YLPM1: variants seen among roughly 807,000 people sequenced by gnomAD.
YLPM1 encodes the protein YLP motif containing 1, also known as YLP motif-containing protein 1.
A neutral mutation model predicts 230.0 loss-of-function variants in YLPM1; 99 were observed. That is an observed-to-expected ratio of 0.43 (90% confidence interval 0.37 to 0.51). The LOEUF is 0.51. YLPM1 is among the 20% of genes least tolerant of loss of function. The pLI, the probability that YLPM1 is intolerant of heterozygous loss-of-function variation, is 0.00. For synonymous variants in YLPM1, 984 were observed against 942.5 expected, an observed-to-expected ratio of 1.04 and a Z score of -0.81; for missense variants, 2,592 against 2,707.7, an observed-to-expected ratio of 0.96 and a Z score of 0.95.
chr14:74,814,225 G>A (rs1171914171), intron 11 of YLPM1, among the ~76,000 whole-genome samples: 2 of 152,166 alleles, frequency 1.3e-5, no homozygotes, highest in African/African-American at 4.8e-5. Context: ...GCTGGGCGTG[G>A]TGGCAGGCAC....
At chr14:74,821,441 C>T (rs1033827412) in intron 17 of YLPM1, 23 of 199,516 alleles carry the variant, frequency 1.2e-4, no homozygotes, top group Non-Finnish European at 2.0e-4. Flanking sequence ...TATGAAAGGG[C>T]ATTCTTACAT....
chr14:74,785,892 T>C (rs1228836347), intron 4 of YLPM1, among the ~76,000 whole-genome samples: 3 of 152,194 alleles, frequency 2.0e-5, no homozygotes, highest in African/African-American at 7.2e-5. Context: ...TTTGACACTG[T>C]GTATATCATT....
chr14:74,810,674 T>G (rs1157069489), intron 9 of YLPM1, among the ~76,000 whole-genome samples: 1 of 151,998 alleles, frequency 6.6e-6, no homozygotes, highest in Admixed American at 6.6e-5. Context: ...GGTGCAGTCA[T>G]ACTCAGTAGG....
chr14:74,785,810 TAA>T (rs1436169517), intron 4 of YLPM1, among the ~76,000 whole-genome samples: 1 of 152,300 alleles, frequency 6.6e-6, no homozygotes, highest in Middle Eastern at 3.4e-3. Flanking sequence ...ACGAGATTTC[TAA>T]AAAGTCATGT....
At position 74,797,588 on chromosome 14, in the gene YLPM1, G is replaced by T. The variant is rs1028654728; in HGVS notation, c.2291G>T (p.Gly764Val). The T allele has an allele frequency of 1.4e-6, 2 of 1,473,086 alleles. No individual in the cohort carries two copies. The highest frequency in any genetic ancestry group is 1.4e-5 in the African/African-American group (1 of 70,382). 91.3% of individuals were successfully genotyped at this position (1,473,086 alleles called of 1,614,324 possible). The part of the protein sequence containing the change: ...LESPRGPRFD[G>V]PRRFEDLGSR... ...TTTTGTTTTACTTGTAGATTTGATG[G>T]TCCTCGAAGATTTGAGGATTTAGGG... Residue 764 changes from glycine to valine, a missense_variant, in exon 5 of 21, where the codon GGT (glycine) becomes GTT (valine). Transcript: ENST00000325680.
Position 74,782,298 on chromosome 14 carries a change from G to T in YLPM1, c.2255G>T (p.Ser752Ile). The change falls in exon 4 of 21, where the codon AGT becomes ATT. Residue 752 changes from serine to isoleucine, a missense_variant. By Grantham distance (142) the Ser-to-Ile change is moderately radical. Coordinates refer to ENST00000325680, the MANE Select transcript of YLPM1 (RefSeq NM_019589.3). Reference protein sequence around the residue: ...GGLLPDPPRSSYLESPRGPRF... With the variant: ...GGLLPDPPRSIYLESPRGPRF... ...CTGCTTCCAGATCCTCCTAGAAGTA[G>T]TTACTTGGAAAGTCCAAGAGGCCCA... is the stretch of plus-strand genomic sequence containing the variant. The T allele has an allele frequency of 6.5e-7, 1 of 1,533,574 alleles. No homozygotes were observed. Among genetic ancestry groups the T allele is most frequent in the East Asian group, 2.3e-5 (1 of 44,356 alleles). 95.0% of individuals were successfully genotyped at this position (1,533,574 alleles called of 1,614,324 possible).
At chr14:74,800,198 G>A (rs1259633778) in intron 5 of YLPM1, among the ~76,000 whole-genome samples, 1 of 152,136 alleles carries the variant, frequency 6.6e-6, no homozygotes, top group African/African-American at 2.4e-5. Context: ...CTTTCTTTTG[G>A]GGATGTTTTA....
rs374500503 is a variant in YLPM1, at chr14:74,763,496, C to A, written c.7C>A (p.Pro3Thr). 2.0e-6 allele frequency: 3 copies of A among 1,485,946 alleles called. No homozygotes were observed. Among genetic ancestry groups the A allele is most frequent in the African/African-American group, 2.9e-5 (2 of 68,338 alleles). 92.0% of individuals were successfully genotyped at this position (1,485,946 alleles called of 1,614,324 possible). MY[P>T]NWGRYGGSSH... ...CTGCGCCTTCTTTTTCGATATGTACCCGAATTGGGGCCGGTATGGCGGGAG... is the reference window on the plus strand; with the variant it reads ...CTGCGCCTTCTTTTTCGATATGTACACGAATTGGGGCCGGTATGGCGGGAG... Residue 3 changes from proline (P) to threonine (T), a missense_variant, in exon 1 of 21, where the codon CCG (proline) becomes ACG (threonine). Physicochemically the swap from Pro to Thr is conservative, Grantham distance 38 (BLOSUM62 -1). Transcript: ENST00000325680.
In YLPM1 at chr14:74,798,784, G is replaced by T. The variant is rs1394675995; in HGVS notation, c.3487G>T (p.Gly1163Cys). 4.3e-6 allele frequency: 7 copies of T among 1,613,802 alleles called. No homozygotes were observed. The Middle Eastern group carries it at 6.6e-4, about 152-fold the overall frequency. ...AAGGGGACTGGGAAGATCAGATTTT[G>T]GTCGTGATAGAGGTCCATTCAGACC... The part of the protein sequence containing the change: ...RERGLGRSDF[G>C]RDRGPFRPEP... The change falls in exon 5 of 21, where the codon GGT becomes TGT. Residue 1163 changes from glycine to cysteine, a missense_variant. Physicochemically the swap from Gly to Cys is radical, Grantham distance 159 (BLOSUM62 -3). Transcript: ENST00000325680.
In YLPM1 at chr14:74,781,692, C is replaced by T; in HGVS notation, c.1649C>T (p.Ala550Val). The T allele has an allele frequency of 6.2e-7, 1 of 1,612,978 alleles. No homozygotes were observed. The highest frequency in any genetic ancestry group is 8.5e-7 in the Non-Finnish European group (1 of 1,179,606). The change falls in exon 4 of 21, where the codon GCC becomes GTC. Residue 550 changes from alanine to valine, a missense_variant. By Grantham distance (64) the Ala-to-Val change is moderately conservative. Around this residue, in one of 4 missense-constraint regions of YLPM1, gnomAD observed 1,862 missense variants for 1,819.8 expected, o/e 1.02. Coordinates refer to ENST00000325680, the MANE Select transcript of YLPM1 (RefSeq NM_019589.3). The part of the protein sequence containing the change: ...PSLPPPVMPP[A>V]LPATVPPPGM... ...TTGCCACCACCAGTGATGCCCCCTG[C>T]CCTCCCTGCTACAGTGCCACCACCT...
chr14:74,792,401 C>G (rs961752765), intron 4 of YLPM1, among the ~76,000 whole-genome samples: 1 of 152,226 alleles, frequency 6.6e-6, no homozygotes, highest in African/African-American at 2.4e-5. Context: ...CTTAGCTTTA[C>G]TTAGCATGCT....
rs759920121 is a variant in YLPM1 at position 74,781,820 on chromosome 14, C to A, written c.1777C>A (p.Pro593Thr). The change falls in exon 4 of 21, where the codon CCA (proline) becomes ACA (threonine). Residue 593 changes from proline to threonine, a missense_variant. Physicochemically the swap from Pro to Thr is conservative, Grantham distance 38. Coordinates refer to ENST00000325680, the MANE Select transcript of YLPM1 (RefSeq NM_019589.3). Reference protein sequence around the residue: ...SSAGPPPVLPPPSLSSAGPPP... With the variant: ...SSAGPPPVLPTPSLSSAGPPP... ...TGCAGGGCCACCACCAGTTCTCCCCCCACCTTCCCTGTCTTCTGCAGGGCC... is the reference window on the plus strand; with the variant it reads ...TGCAGGGCCACCACCAGTTCTCCCCACACCTTCCCTGTCTTCTGCAGGGCC... 6.2e-6 allele frequency: 10 copies of A among 1,612,366 alleles called. 1 individual carries two copies. Among genetic ancestry groups the A allele is most frequent in the African/African-American group, 2.7e-5 (2 of 74,732 alleles).
chr14:74,787,008 G>C (rs1237833664), intron 4 of YLPM1, among the ~76,000 whole-genome samples: 1 of 152,164 alleles, frequency 6.6e-6, no homozygotes, highest in African/African-American at 2.4e-5. Flanking sequence ...TGGATGTTTA[G>C]TGGTATCATG....
chr14:74,763,980 A>C lies in YLPM1; in HGVS notation c.491A>C (p.Tyr164Ser). 6.9e-7 allele frequency: 1 copy of C among 1,458,082 alleles called. No individual in the cohort carries two copies. Among genetic ancestry groups the C allele is most frequent in the Non-Finnish European group, 9.1e-7 (1 of 1,093,828 alleles). The allele number at this position is 1,458,082 out of a possible 1,614,324, so 90.3% of individuals were successfully genotyped here. ...TCCTATATGCCCCCATCTCAGTCTTACATGCCCCCACCTCAGCCGCCACCC... is the reference window on the plus strand; with the variant it reads ...TCCTATATGCCCCCATCTCAGTCTTCCATGCCCCCACCTCAGCCGCCACCC... ...PGSYMPPSQS[Y>S]MPPPQPPPSY... The change falls in exon 1 of 21, where the codon TAC becomes TCC. Residue 164 changes from tyrosine (Y) to serine (S), a missense_variant. Tyr to Ser is a moderately radical substitution (Grantham distance 144). Coordinates refer to ENST00000325680, the MANE Select transcript of YLPM1 (RefSeq NM_019589.3).
Position 74,763,391 on chromosome 14 carries a change from C to A in YLPM1, c.-99C>A. The A allele has an allele frequency of 1.5e-6, 2 of 1,356,200 alleles. No individual in the cohort carries two copies. Among genetic ancestry groups the A allele is most frequent in the Admixed American group, 3.2e-5 (1 of 31,290 alleles). 84.0% of individuals were successfully genotyped at this position (1,356,200 alleles called of 1,614,324 possible). A position where few individuals can be genotyped will look rare whatever the true frequency, so the allele number is the denominator to read the frequency against. ...GTTTACACGCTCCGGGGCCTGTAGG[C>A]GCCGCGAGTTCCGGCTGTCGCCGTC... On this transcript the variant is annotated 5_prime_UTR_variant, in exon 1 of 21. Coordinates refer to ENST00000325680, the MANE Select transcript of YLPM1 (RefSeq NM_019589.3).
At position 74,817,377 on chromosome 14, in the gene YLPM1, T is replaced by C. The variant is rs1297660078; in HGVS notation, c.5946+100T>C. On this transcript the variant is annotated intron_variant, in intron 15 of 20. Transcript: ENST00000325680. ...CATATATGGTGGTCCCATAAGATTA[T>C]AATGTATTTTTATTGTACCTTTTCT... is the stretch of plus-strand genomic sequence containing the variant. The C allele has an allele frequency of 3.7e-6, 4 of 1,087,674 alleles. No homozygotes were observed. In the African/African-American group the frequency reaches 4.8e-5, roughly 13 times the overall value. The allele number at this position is 1,087,674 out of a possible 1,614,324, so 67.4% of individuals were successfully genotyped here. A position where few individuals can be genotyped will look rare whatever the true frequency, so the allele number is the denominator to read the frequency against.
intron 4 of YLPM1, among the ~76,000 whole-genome samples, chr14:74,788,833 C>T (rs540772321): frequency 6.6e-6 from 1 of 151,674 alleles, no homozygotes; most frequent in Admixed American, 6.6e-5. Flanking sequence ...GAGATCCTGA[C>T]TCAAAAAAAA....
intron 1 of YLPM1, among the ~76,000 whole-genome samples, chr14:74,772,627 G>C (rs1400653473): frequency 6.6e-6 from 1 of 152,110 alleles, no homozygotes; most frequent in Non-Finnish European, 1.5e-5. Flanking sequence ...AAAGTGCTGG[G>C]ATTACAGATG....
rs548590776 is a variant in YLPM1 at position 74,770,890 on chromosome 14, A to G, written c.873+6528A>G. Among the ~76,000 whole-genome samples, 8 of 152,328 alleles carry G rather than the reference A, an allele frequency of 5.3e-5. No homozygotes were observed. In the East Asian group the frequency reaches 1.2e-3, roughly 22 times the overall value. ...AAGGAGCAAGAGTGATTTAGAGAGAATAGTTATTGAAGTAATCCAGGCAAG... is the reference window on the plus strand; with the variant it reads ...AAGGAGCAAGAGTGATTTAGAGAGAGTAGTTATTGAAGTAATCCAGGCAAG... On this transcript the variant is annotated intron_variant, in intron 1 of 20. Coordinates refer to ENST00000325680, the MANE Select transcript of YLPM1 (RefSeq NM_019589.3).
Sources: allele counts gnomAD v4.1 joint callset (sites outside exome capture counted in the v4.1 genomes callset), GRCh38; gene constraint gnomAD v4.1.1; regional missense constraint gnomAD v4.1.1; transcripts MANE v1.5; gene names NCBI Gene and HGNC (gene_info 2026-07-23, HGNC 2026-07-21).